The following AKAP6 variants were observed in gnomAD, a reference collection of about 807,000 sequenced individuals.
AKAP6 encodes the protein A-kinase anchor protein 6.
A neutral mutation model predicts 188.5 loss-of-function variants in AKAP6; 58 were observed. The ratio of observed to expected loss-of-function variants is 0.31; its 90% CI spans 0.25 to 0.38. The LOEUF (loss-of-function observed/expected upper bound fraction) is 0.38, where lower values mean the gene tolerates loss of function less well. Among genes scored for constraint, AKAP6 ranks in the 10% least tolerant of loss-of-function variants. The pLI, the probability that AKAP6 is intolerant of heterozygous loss-of-function variation, is 1.00. For missense variants in AKAP6, 2,710 were observed against 2,740.0 expected (o/e 0.99, Z 0.24); for synonymous variants, 989 against 998.6 (o/e 0.99, Z 0.18).
intron 1 of AKAP6, among the ~76,000 whole-genome samples, chr14:32,392,721 G>A (rs1377107973): frequency 6.6e-6 from 1 of 152,224 alleles, no homozygotes; most frequent in East Asian, 1.9e-4. Context: ...GTGTCAAGTA[G>A]ATATAGGAGC....
At chr14:32,401,667 A>G (rs1889094969) in intron 1 of AKAP6, among the ~76,000 whole-genome samples, 2 of 152,246 alleles carry the variant, frequency 1.3e-5, no homozygotes, top group East Asian at 1.9e-4. Context: ...CTTTTTATAT[A>G]TTGCTGTTTT....
intron 10 of AKAP6, chr14:32,732,853 A>G: frequency 1.7e-6 from 1 of 603,284 alleles, no homozygotes; most frequent in South Asian, 2.1e-5. Context: ...AGTAAGTAAA[A>G]TATGCCATGT....
chr14:32,420,757 C>T (rs77048542), intron 1 of AKAP6, among the ~76,000 whole-genome samples: 9,565 of 152,066 alleles, frequency 0.063, 383 homozygotes, highest in African/African-American at 0.09. Context: ...CCTAGTATAC[C>T]GCCGCCCTTT....
intron 4 of AKAP6, among the ~76,000 whole-genome samples, chr14:32,567,996 C>A (rs375041832): frequency 6.6e-6 from 1 of 151,096 alleles, no homozygotes; most frequent in Non-Finnish European, 1.5e-5. Flanking sequence ...AGGGGAGGGG[C>A]TGGAGAAGAG....
chr14:32,379,019 A>G (rs10146566), intron 1 of AKAP6, among the ~76,000 whole-genome samples: 22,430 of 151,028 alleles, frequency 0.15, 2,160 homozygotes, highest in African/African-American at 0.26. Context: ...CCTGGGTTCA[A>G]GCGATTCTCC....
At chr14:32,644,289 A>G (rs1887889368) in intron 7 of AKAP6, among the ~76,000 whole-genome samples, 1 of 152,164 alleles carries the variant, frequency 6.6e-6, no homozygotes, top group Non-Finnish European at 1.5e-5. Context: ...GCTACTCCAA[A>G]TGCTGTCAGA....
chr14:32,378,183 C>A (rs150565421), intron 1 of AKAP6, among the ~76,000 whole-genome samples: 2 of 55,752 alleles, frequency 3.6e-5, no homozygotes, highest in Non-Finnish European at 8.2e-5. Flanking sequence ...GTCATGGCTG[C>A]CATATTATAT....
At chr14:32,359,168 C>T (rs972426304) in intron 1 of AKAP6, among the ~76,000 whole-genome samples, 4 of 152,084 alleles carry the variant, frequency 2.6e-5, no homozygotes, top group Non-Finnish European at 5.9e-5. Flanking sequence ...CTGAGTGTTA[C>T]AGTAGAGTTT....
rs1273334139 is a variant in AKAP6, at chr14:32,658,235, AG to A, written c.2731-20075del. Reference sequence around the variant, plus strand: ...GTCTATGGGGATTTTTCAAGCCAAAAGTCTCCTGCCTTGCAAATGATCATTG... The same window carrying A: ...GTCTATGGGGATTTTTCAAGCCAAAATCTCCTGCCTTGCAAATGATCATTG... On this transcript the variant is annotated intron_variant, in intron 7 of 13. Transcript: ENST00000280979. Among the ~76,000 whole-genome samples the A allele has an allele frequency of 2.6e-5, 4 of 152,242 alleles. No individual in the cohort carries two copies. In the East Asian group the frequency reaches 7.7e-4, roughly 29 times the overall value.
chr14:32,600,812 C>G lies in AKAP6; in HGVS notation c.2730+20C>G. 6.3e-7 allele frequency: 1 copy of G among 1,575,432 alleles called. No homozygotes were observed. The highest frequency in any genetic ancestry group is 1.2e-5 in the South Asian group (1 of 84,664). On this transcript the variant is annotated intron_variant, in intron 7 of 13. Transcript: ENST00000280979. The stretch of plus-strand genomic sequence containing the variant: ...CCCAAGGTAAGTGGCTTGAAGTTTG[C>G]CTTATTTCCTCTTATTTCTGTCTTC...
chr14:32,469,078 C>G (rs911704564), intron 2 of AKAP6, among the ~76,000 whole-genome samples: 1 of 152,156 alleles, frequency 6.6e-6, no homozygotes, highest in African/African-American at 2.4e-5. Context: ...GTCATACCTC[C>G]CTGACTCATG....
intron 2 of AKAP6, among the ~76,000 whole-genome samples, chr14:32,503,580 G>A (rs1373135039): frequency 1.3e-5 from 2 of 151,344 alleles, no homozygotes; most frequent in African/African-American, 4.9e-5. Flanking sequence ...ATACATTTGG[G>A]ATTTATCAAG....
chr14:32,521,664 A>T (rs1184067609), intron 2 of AKAP6, among the ~76,000 whole-genome samples: 1 of 152,192 alleles, frequency 6.6e-6, no homozygotes, highest in Non-Finnish European at 1.5e-5. Flanking sequence ...AGAACTACAA[A>T]CCACTGCTCA....
rs571547007 is a variant in AKAP6 at position 32,704,953 on chromosome 14, G to T, written c.3000+8843G>T. Among the ~76,000 whole-genome samples, 122 of 152,248 alleles carry T rather than the reference G, an allele frequency of 8.0e-4. 1 individual carries two copies. Among genetic ancestry groups the T allele is most frequent in the Non-Finnish European group, 1.2e-3 (84 of 68,008 alleles). On this transcript the variant is annotated intron_variant, in intron 9 of 13. Transcript: ENST00000280979. Reference sequence around the variant, plus strand: ...TAAAGCAGGAATGTGGGGCTAAAAGGTACCTAGGTAACGTTTCAGTTATTT... The same window carrying T: ...TAAAGCAGGAATGTGGGGCTAAAAGTTACCTAGGTAACGTTTCAGTTATTT...
intron 7 of AKAP6, among the ~76,000 whole-genome samples, chr14:32,629,961 C>T (rs1320363481): frequency 6.6e-6 from 1 of 152,000 alleles, no homozygotes; most frequent in Admixed American, 6.6e-5. Flanking sequence ...CATTGACTTA[C>T]TAAAGCGTTA....
At chr14:32,514,938 C>T (rs538635923) in intron 2 of AKAP6, among the ~76,000 whole-genome samples, 1 of 152,236 alleles carries the variant, frequency 6.6e-6, no homozygotes, top group East Asian at 1.9e-4. Flanking sequence ...AACCATAGAC[C>T]TTTCCTCCTC....
chr14:32,572,219 A>G (rs555185431), intron 4 of AKAP6, among the ~76,000 whole-genome samples: 1 of 152,290 alleles, frequency 6.6e-6, no homozygotes, highest in East Asian at 1.9e-4. Flanking sequence ...ACCTTCTCTG[A>G]TCCTCAGTTT....
At position 32,537,681 on chromosome 14, in the gene AKAP6, C is replaced by A. The variant is rs545285508; in HGVS notation, c.576+1876C>A. Among the ~76,000 whole-genome samples, 12 of 152,286 alleles carry A rather than the reference C, an allele frequency of 7.9e-5. No individual in the cohort carries two copies. The South Asian group carries it at 2.3e-3, about 29-fold the overall frequency. ...GAGATTAAAAATCATTGATTCAAATCATATATTTATTAAATCAATAAACAT... is the reference window on the plus strand; with the variant it reads ...GAGATTAAAAATCATTGATTCAAATAATATATTTATTAAATCAATAAACAT... On this transcript the variant is annotated intron_variant, in intron 3 of 13. Coordinates refer to ENST00000280979, the MANE Select transcript of AKAP6 (RefSeq NM_004274.5).
chr14:32,826,696 G>A (rs971067200), intron 13 of AKAP6, among the ~76,000 whole-genome samples: 1 of 152,256 alleles, frequency 6.6e-6, no homozygotes, highest in African/African-American at 2.4e-5. Flanking sequence ...TTACATAGAC[G>A]TAGAATTGAA....
Sources: gnomAD v4.1 joint callset for allele counts (sites outside exome capture counted in the v4.1 genomes callset) on GRCh38, gnomAD v4.1.1 for gene constraint, MANE v1.5 for transcripts, NCBI Gene and HGNC (gene_info 2026-07-23, HGNC 2026-07-21) for gene names.